The following GABRG2 variants were observed in gnomAD, a reference collection of about 807,000 sequenced individuals.
The protein encoded by GABRG2 is gamma-aminobutyric acid type A receptor subunit gamma2.
GABRG2 carries 16 observed loss-of-function variants against 56.4 expected under a neutral mutation model. That is an observed-to-expected ratio of 0.28 (90% CI 0.19 to 0.43). The LOEUF (loss-of-function observed/expected upper bound fraction) is 0.43, where lower values mean the gene tolerates loss of function less well. GABRG2 is among the 20% of genes least tolerant of loss of function. The pLI, the probability that GABRG2 is intolerant of heterozygous loss-of-function variation, is 1.00. For missense variants in GABRG2, 327 were observed against 582.7 expected (o/e 0.56, Z 4.52); for synonymous variants, 208 against 205.5 (o/e 1.01, Z -0.10).
chr5:162,106,038 G>C (rs1761803412), intron 6 of GABRG2, among the ~76,000 whole-genome samples: 1 of 152,024 alleles, frequency 6.6e-6, no homozygotes, highest in African/African-American at 2.4e-5. Flanking sequence ...AGACAGAAGG[G>C]TTGATTTTAC....
chr5:162,101,231 T>C lies in GABRG2; in HGVS notation c.549-4T>C. The C allele has an allele frequency of 6.3e-7, 1 of 1,582,086 alleles. No homozygotes were observed. The highest frequency in any genetic ancestry group is 1.7e-5 in the Admixed American group (1 of 59,930). On this transcript the variant is annotated splice_region_variant and splice_polypyrimidine_tract_variant and intron_variant, in intron 4 of 9. Transcript: ENST00000639213. ...CATCTTATGTTTAATATCTTTCTAC[T>C]TAGGTTGACAATTGATGCTGAGTGC... is the stretch of plus-strand genomic sequence containing the variant.
In GABRG2 at chr5:162,142,169, T is replaced by C; in HGVS notation, c.775T>C (p.Tyr259His). 1 of 1,614,062 alleles carries C rather than the reference T, an allele frequency of 6.2e-7. No individual in the cohort carries two copies. The highest frequency in any genetic ancestry group is 8.5e-7 in the Non-Finnish European group (1 of 1,179,956). The part of the protein sequence containing the change: ...TEVVKTTSGD[Y>H]VVMSVYFDLS... ...TTATCTTTGGTCTGTTCCAGGAGAT[T>C]ATGTGGTCATGTCTGTCTACTTTGA... is the stretch of plus-strand genomic sequence containing the variant. Residue 259 changes from tyrosine to histidine, a missense_variant, in exon 7 of 10, where the codon TAT becomes CAT. Physicochemically the swap from Tyr to His is moderately conservative, Grantham distance 83 (BLOSUM62 2). Around this residue, in one of 4 missense-constraint regions of GABRG2, gnomAD observed 42 missense variants for 156.9 expected, o/e 0.27. Coordinates refer to ENST00000639213, the MANE Select transcript of GABRG2 (RefSeq NM_198904.4).
At chr5:162,135,956 A>G (rs917876170) in intron 6 of GABRG2, among the ~76,000 whole-genome samples, 2 of 152,192 alleles carry the variant, frequency 1.3e-5, no homozygotes, top group African/African-American at 2.4e-5. Context: ...CCTGATATCA[A>G]TGGGCAATTA....
chr5:162,136,803 G>A (rs1047196530), intron 6 of GABRG2, among the ~76,000 whole-genome samples: 2 of 152,168 alleles, frequency 1.3e-5, no homozygotes, highest in Non-Finnish European at 2.9e-5. Context: ...TTTCAAAAAT[G>A]TGCCTGTCAG....
At position 162,153,401 on chromosome 5, in the gene GABRG2, T is replaced by C; in HGVS notation, c.*33T>C. The C allele has an allele frequency of 6.2e-7, 1 of 1,607,746 alleles. No homozygotes were observed. The highest frequency in any genetic ancestry group is 8.5e-7 in the Non-Finnish European group (1 of 1,174,306). On this transcript the variant is annotated 3_prime_UTR_variant, in exon 10 of 10. Transcript: ENST00000639213. ...TGGGTTTTACTGATATGGTTCTTAT[T>C]CACTGAGTCTCATGGAGAGATGTCT...
At chr5:162,146,104 G>A (rs1764930653) in intron 7 of GABRG2, among the ~76,000 whole-genome samples, 1 of 151,968 alleles carries the variant, frequency 6.6e-6, no homozygotes, top group East Asian at 1.9e-4. Flanking sequence ...TGTAGATGAG[G>A]ATCTCAAACC....
chr5:162,147,212 C>CCTTCTTTCTTTCTCTTTCTTT, intron 7 of GABRG2, among the ~76,000 whole-genome samples: 1 of 150,468 alleles, frequency 6.6e-6, no homozygotes, highest in African/African-American at 2.5e-5. Flanking sequence ...TTTCTTTCTT[C>CCTTCTTTCTTTCTCTTTCTTT]CTTCTTTCTT....
rs555757475 is a variant in GABRG2 at position 162,154,370 on chromosome 5, G to A, written c.*1002G>A. 6.6e-6 allele frequency: 1 copy of A among 152,242 alleles called. No individual in the cohort carries two copies. The highest frequency in any genetic ancestry group is 2.1e-4 in the South Asian group (1 of 4,826). 9.4% of individuals were successfully genotyped at this position (152,242 alleles called of 1,614,324 possible). On this transcript the variant is annotated 3_prime_UTR_variant, in exon 10 of 10. Transcript: ENST00000639213. ...TTGTCATTTCCTCTTTGGGTCTGTA[G>A]CACCTTGCATAGTGCCTGGCATATA... is the stretch of plus-strand genomic sequence containing the variant.
chr5:162,085,478 C>A (rs1760001730), intron 1 of GABRG2, among the ~76,000 whole-genome samples: 1 of 151,634 alleles, frequency 6.6e-6, no homozygotes, highest in Non-Finnish European at 1.5e-5. Flanking sequence ...CATCCATGGA[C>A]AGTTGACATG....
intron 3 of GABRG2, among the ~76,000 whole-genome samples, chr5:162,096,798 A>G (rs1421214952): frequency 2.0e-5 from 3 of 151,722 alleles, no homozygotes; most frequent in African/African-American, 7.3e-5. Context: ...TGTATACTTG[A>G]TGGAAATAAT....
intron 1 of GABRG2, among the ~76,000 whole-genome samples, chr5:162,080,347 T>C (rs991032404): frequency 6.6e-6 from 1 of 152,028 alleles, no homozygotes; most frequent in Non-Finnish European, 1.5e-5. Context: ...GGATAAGAAG[T>C]TGAGACTATG....
intron 1 of GABRG2, among the ~76,000 whole-genome samples, chr5:162,072,562 G>A (rs137935881): frequency 0.01 from 1,573 of 152,096 alleles, 26 homozygotes; most frequent in African/African-American, 0.031. Context: ...AAGACAATGC[G>A]TCTTTCTGCT....
At chr5:162,082,017 C>G (rs957703494) in intron 1 of GABRG2, among the ~76,000 whole-genome samples, 3 of 151,868 alleles carry the variant, frequency 2.0e-5, no homozygotes, top group African/African-American at 7.2e-5. Flanking sequence ...AAAAAATGAT[C>G]ACATTCAGTT....
chr5:162,097,737 G>C lies in GABRG2; in HGVS notation c.427G>C (p.Gly143Arg). The C allele has an allele frequency of 6.2e-7, 1 of 1,613,738 alleles. No individual in the cohort carries two copies. The highest frequency in any genetic ancestry group is 8.5e-7 in the Non-Finnish European group (1 of 1,179,870). ...CCTCCGATTGAACAGCAACATGGTG[G>C]GGAAAATCTGGATTCCAGACACTTT... ...KVLRLNSNMV[G>R]KIWIPDTFFR... Residue 143 changes from glycine to arginine, a missense_variant, in exon 4 of 10, where the codon GGG becomes CGG. By Grantham distance (125) the Gly-to-Arg change is moderately radical. Around this residue, in one of 4 missense-constraint regions of GABRG2, gnomAD observed 104 missense variants for 209.3 expected, o/e 0.50. Transcript: ENST00000639213.
chr5:162,086,682 A>G (rs1204161387), intron 1 of GABRG2, among the ~76,000 whole-genome samples: 1 of 151,978 alleles, frequency 6.6e-6, no homozygotes, highest in Non-Finnish European at 1.5e-5. Context: ...ATTTTATGTA[A>G]CAGAAGTGTT....
At chr5:162,142,895 A>G (rs1435470223) in intron 7 of GABRG2, 2 of 114,972 alleles carry the variant, frequency 1.7e-5, no homozygotes, top group African/African-American at 7.3e-5. Flanking sequence ...AACTTAAAGC[A>G]TAATAAAAAA....
chr5:162,083,685 A>T lies in GABRG2; in HGVS notation c.108-10143A>T, dbSNP rs573505767. The stretch of plus-strand genomic sequence containing the variant: ...AGCGTTGTTTTTTTCCTAGCTGTTC[A>T]GGTATTTGTCTCCTTAAATAGATGA... On this transcript the variant is annotated intron_variant, in intron 1 of 9. Coordinates refer to ENST00000639213, the MANE Select transcript of GABRG2 (RefSeq NM_198904.4). The T allele has an allele frequency of 1.4e-4, 21 of 154,762 alleles. No homozygotes were observed. The South Asian group carries it at 3.7e-3, about 28-fold the overall frequency. 9.6% of individuals were successfully genotyped at this position (154,762 alleles called of 1,614,324 possible).
At chr5:162,124,492 C>T (rs1763185710) in intron 6 of GABRG2, among the ~76,000 whole-genome samples, 1 of 151,608 alleles carries the variant, frequency 6.6e-6, no homozygotes, top group African/African-American at 2.4e-5. Flanking sequence ...AGAGGCCCTC[C>T]CGAGAAAAAG....
intron 6 of GABRG2, among the ~76,000 whole-genome samples, chr5:162,109,250 G>T (rs1402051725): frequency 2.0e-5 from 3 of 151,676 alleles, no homozygotes; most frequent in Non-Finnish European, 2.9e-5. Context: ...TGTGGGGTGG[G>T]GGTAGGGGAG....
Sources: allele counts gnomAD v4.1 joint callset (sites outside exome capture counted in the v4.1 genomes callset), GRCh38; gene constraint gnomAD v4.1.1; regional missense constraint gnomAD v4.1.1; transcripts MANE v1.5; gene names NCBI Gene and HGNC (gene_info 2026-07-23, HGNC 2026-07-21).